The following KLHL8 variants were observed in gnomAD, a reference collection of about 807,000 sequenced individuals.
KLHL8 encodes kelch-like protein 8.
Under a neutral mutation model 63.5 loss-of-function variants are expected in KLHL8, and 38 were observed. The ratio of observed to expected loss-of-function variants is 0.60; its 90% CI spans 0.46 to 0.78. KLHL8 has a LOEUF of 0.78. KLHL8 is among the 30% of genes least tolerant of loss of function. KLHL8 has a pLI of 0.00. For missense variants in KLHL8, 566 were observed against 752.4 expected, an observed-to-expected ratio of 0.75 and a Z score of 2.90; for synonymous variants, 224 against 254.3, an observed-to-expected ratio of 0.88 and a Z score of 1.13.
chr4:87,195,186 AAAAAGATTGAGACT>A (rs1464295985), intron 2 of KLHL8, 124 bp downstream of exon 2: 5 of 635,436 alleles, frequency 7.9e-6, no homozygotes, highest in Non-Finnish European at 1.3e-5. Flanking sequence ...TACACTAAAA[AAAAAGATTGAGACT>A]AAAAGCATTC....
chr4:87,186,045 AT>A lies in KLHL8; in HGVS notation c.217-247del, dbSNP rs574394669. Among the ~76,000 whole-genome samples, 851 of 149,162 alleles carry A rather than the reference AT, an allele frequency of 5.7e-3. 8 individuals carry two copies. The highest frequency in any genetic ancestry group is 0.018 in the African/African-American group (733 of 40,830). ...ACACATACTTTAAAATTAAAAAAAA[AT>A]TTTTTTTTTTGAGACAAGGCCTTGC... is the stretch of plus-strand genomic sequence containing the variant. On this transcript the variant is annotated intron_variant, in intron 2 of 9. Transcript: ENST00000273963.
intron 2 of KLHL8, among the ~76,000 whole-genome samples, chr4:87,194,727 G>A (rs1018205193): frequency 6.6e-6 from 1 of 152,148 alleles, no homozygotes; most frequent in African/African-American, 2.4e-5. Context: ...TATTAAAACT[G>A]GTTGCTTTTA....
At chr4:87,190,119 C>T (rs1022223653) in intron 2 of KLHL8, among the ~76,000 whole-genome samples, 6 of 151,408 alleles carry the variant, frequency 4.0e-5, no homozygotes, top group Admixed American at 6.6e-5. Context: ...GAAAATTTTC[C>T]ATATCAGTTG....
In KLHL8 at chr4:87,236,686, A is replaced by G. The variant is rs575271367; in HGVS notation, n.57+3572T>C. On this transcript the variant is annotated intron_variant and non_coding_transcript_variant, in intron 1 of 1. Transcript: ENST00000506274. The stretch of plus-strand genomic sequence containing the variant: ...GTCTTTTTTTTTTTTTTTTTTTTAG[A>G]TGGAGTCTCACTCTGTCACCCAGGC... 1.7e-4 allele frequency among the ~76,000 whole-genome samples: 17 copies of G among 98,392 alleles called. No individual in the cohort carries two copies. In the East Asian group the frequency reaches 5.1e-3, roughly 30 times the overall value. The allele number at this position is 98,392 out of a possible 152,430, so 64.5% of individuals were successfully genotyped here.
At chr4:87,173,140 C>T (rs761282698) in intron 6 of KLHL8, among the ~76,000 whole-genome samples, 1 of 152,142 alleles carries the variant, frequency 6.6e-6, no homozygotes, top group Non-Finnish European at 1.5e-5. Flanking sequence ...CCTCCACTTA[C>T]CACTCTTACC....
intron 1 of KLHL8, among the ~76,000 whole-genome samples, chr4:87,238,216 G>C (rs1478196977): frequency 6.6e-6 from 1 of 152,170 alleles, no homozygotes; most frequent in African/African-American, 2.4e-5. Flanking sequence ...TTACAGGCGT[G>C]AACGTCCACG....
intron 1 of KLHL8, among the ~76,000 whole-genome samples, chr4:87,198,509 T>C (rs1057377635): frequency 1.3e-5 from 2 of 152,204 alleles, no homozygotes; most frequent in Non-Finnish European, 2.9e-5. Flanking sequence ...GGACAAGCTA[T>C]TGAAACATGT....
At chr4:87,183,480 A>G in intron 3 of KLHL8, 91 bp from the exon 4 acceptor site, 1 of 985,420 alleles carries the variant, frequency 1.0e-6, no homozygotes. Context: ...AGGTGAAAAC[A>G]AGATGAGTAA....
chr4:87,186,045 ATTT>A (rs574394669), intron 2 of KLHL8, among the ~76,000 whole-genome samples: 1 of 149,124 alleles, frequency 6.7e-6, no homozygotes, highest in African/African-American at 2.5e-5. Flanking sequence ...TTAAAAAAAA[ATTT>A]TTTTTTTTGA....
chr4:87,172,099 G>A (rs1204175132), intron 6 of KLHL8, among the ~76,000 whole-genome samples: 1 of 152,098 alleles, frequency 6.6e-6, no homozygotes, highest in East Asian at 1.9e-4. Flanking sequence ...ACCTTGGCGG[G>A]CCTAATCTAA....
chr4:87,195,230 T>C (rs560069855), intron 2 of KLHL8, 94 bp downstream of exon 2: 12 of 888,056 alleles, frequency 1.4e-5, no homozygotes, highest in Admixed American at 7.9e-5. Context: ...CAAATATGTA[T>C]AGCAACAAAA....
Position 87,170,466 on chromosome 4 carries a change from A to C in KLHL8, c.1358T>G (p.Val453Gly). ...VAPMNTPRGG[V>G]GSVALVNHVY... ...ACTTACTACTAGAGCAACAGAGCCA[A>C]CTCCTCCACGGGGAGTATTCATTGG... Residue 453 changes from valine to glycine, a missense_variant, in exon 7 of 10, where the codon GTT becomes GGT. Coordinates refer to ENST00000273963, the MANE Select transcript of KLHL8 (RefSeq NM_020803.5). 6.2e-7 allele frequency: 1 copy of C among 1,604,848 alleles called. No homozygotes were observed. Among genetic ancestry groups the C allele is most frequent in the Non-Finnish European group, 8.5e-7 (1 of 1,177,672 alleles).
chr4:87,230,843 AG>A (rs2110070374), intron 1 of KLHL8, among the ~76,000 whole-genome samples: 2 of 152,328 alleles, frequency 1.3e-5, no homozygotes, highest in East Asian at 3.9e-4. Context: ...TATGATGGAA[AG>A]AATCATTTAA....
intron 2 of KLHL8, among the ~76,000 whole-genome samples, chr4:87,192,468 TTTAGA>T (rs1731531315): frequency 1.3e-5 from 2 of 152,294 alleles, no homozygotes; most frequent in South Asian, 4.1e-4. Context: ...ACCTTTTCTG[TTTAGA>T]TATGTTTAGA....
intron 1 of KLHL8, among the ~76,000 whole-genome samples, chr4:87,226,290 C>G (rs947732044): frequency 6.6e-6 from 1 of 151,902 alleles, no homozygotes; most frequent in Non-Finnish European, 1.5e-5. Context: ...AGGCCAGGCG[C>G]GATGGCTCAC....
chr4:87,219,374 G>C (rs1732729101), intron 1 of KLHL8: 1 of 152,198 alleles, frequency 6.6e-6, no homozygotes, highest in East Asian at 1.9e-4. Context: ...TTACCATCTT[G>C]TATAGGAGAA....
At chr4:87,217,582 G>A (rs1022854258) in intron 1 of KLHL8, among the ~76,000 whole-genome samples, 16 of 151,744 alleles carry the variant, frequency 1.1e-4, no homozygotes, top group Non-Finnish European at 1.3e-4. Flanking sequence ...CTGGGATCAA[G>A]CAATTGGCCT....
intron 2 of KLHL8, among the ~76,000 whole-genome samples, chr4:87,192,520 G>C (rs1318724364): frequency 6.6e-6 from 1 of 152,138 alleles, no homozygotes; most frequent in African/African-American, 2.4e-5. Context: ...ACAGTTTTCA[G>C]TATGGTAATA....
At chr4:87,237,918 T>C (rs1733261472) in intron 1 of KLHL8, among the ~76,000 whole-genome samples, 1 of 152,106 alleles carries the variant, frequency 6.6e-6, no homozygotes, top group Admixed American at 6.5e-5. Context: ...ATATCTGTGT[T>C]CTGTTAATGT....
Sources: gnomAD v4.1 joint callset for allele counts (sites outside exome capture counted in the v4.1 genomes callset) on GRCh38, gnomAD v4.1.1 for gene constraint, MANE v1.5 for transcripts, NCBI Gene and HGNC (gene_info 2026-07-23, HGNC 2026-07-21) for gene names.